ANGEL2: variants seen among roughly 807,000 people sequenced by gnomAD.
ANGEL2 encodes angel homolog 2, also known as RNA 2',3'-cyclic phosphatase ANGEL2.
A neutral mutation model predicts 66.0 loss-of-function variants in ANGEL2; 41 were observed. That is an observed-to-expected ratio of 0.62 (90% CI 0.48 to 0.81). ANGEL2 has a LOEUF of 0.81. ANGEL2 is among the 30% of genes least tolerant of loss of function. ANGEL2 has a pLI of 0.00. For synonymous variants in ANGEL2, 208 were observed against 226.5 expected (o/e 0.92, Z 0.73); for missense variants, 561 against 641.6 (o/e 0.87, Z 1.36).
At chr1:213,013,752 A>T (rs931648990) in intron 1 of ANGEL2, among the ~76,000 whole-genome samples, 1 of 152,238 alleles carries the variant, frequency 6.6e-6, no homozygotes, top group African/African-American at 2.4e-5. Context: ...TCAAGCACCT[A>T]CAAAACTCAA....
Position 212,993,307 on chromosome 1 carries a change from T to TA in ANGEL2, c.*1733dup, listed in dbSNP as rs888001900. The TA allele has an allele frequency of 3.0e-4, 45 of 152,180 alleles. No individual in the cohort carries two copies. The highest frequency in any genetic ancestry group is 1.2e-3 in the Admixed American group (18 of 15,282). 9.4% of individuals were successfully genotyped at this position (152,180 alleles called of 1,614,324 possible). A position where few individuals can be genotyped will look rare whatever the true frequency, so the allele number is the denominator to read the frequency against. On this transcript the variant is annotated 3_prime_UTR_variant, in exon 9 of 9. Coordinates refer to ENST00000366962, the MANE Select transcript of ANGEL2 (RefSeq NM_144567.5). ...CTGGGCGATAGCGTGAGACACCATC[T>TA]AAAAAATAAAAAAATAAAAACCCCC...
intron 2 of ANGEL2, chr1:213,011,562 A>G: frequency 1.3e-6 from 1 of 778,182 alleles, no homozygotes; most frequent in Non-Finnish European, 1.6e-6. Context: ...TAATTTTCTG[A>G]GTACCTACTA....
chr1:213,015,322 G>C (rs1039903569), intron 1 of ANGEL2: 17 of 1,339,926 alleles, frequency 1.3e-5, no homozygotes, highest in African/African-American at 3.0e-5. Context: ...TGGGTTGGGG[G>C]AAGCAGGCCA....
chr1:213,001,044 T>C (rs1309111086), intron 5 of ANGEL2, 132 bp from the exon 6 acceptor site: 1 of 782,144 alleles, frequency 1.3e-6, no homozygotes, highest in African/African-American at 1.8e-5. Context: ...TATTAAGTGA[T>C]TCTTTGGACT....
At position 213,008,366 on chromosome 1, in the gene ANGEL2, C is replaced by T; in HGVS notation, c.486G>A (p.Glu162=). The T allele has an allele frequency of 6.2e-7, 1 of 1,614,178 alleles. No individual in the cohort carries two copies. Among genetic ancestry groups the T allele is most frequent in the East Asian group, 2.2e-5 (1 of 44,862 alleles). ...KNVDPKCEDS[E]NKFDFSVMSY... is the part of the protein sequence containing the mutation. ...ACATCACTGAAAAGTCAAACTTGTT[C>T]TCACTGTCTTCACATTTGGGATCAA... The change falls in exon 3 of 9, where the codon GAG becomes GAA. Residue 162 remains glutamate, a synonymous_variant. Coordinates refer to ENST00000366962, the MANE Select transcript of ANGEL2 (RefSeq NM_144567.5).
At chr1:213,003,980 G>C (rs1432186883) in intron 5 of ANGEL2, among the ~76,000 whole-genome samples, 1 of 151,832 alleles carries the variant, frequency 6.6e-6, no homozygotes, top group Non-Finnish European at 1.5e-5. Flanking sequence ...TGAACCTGCA[G>C]GTCACCTAAG....
intron 4 of ANGEL2, among the ~76,000 whole-genome samples, chr1:213,006,038 A>G (rs1331963561): frequency 6.6e-6 from 1 of 152,114 alleles, no homozygotes; most frequent in Non-Finnish European, 1.5e-5. Context: ...TTACTTATTT[A>G]TTTGGTTAGC....
In ANGEL2 at chr1:212,993,700, A is replaced by G. The variant is rs1223619947; in HGVS notation, c.*1341T>C. 1 of 152,212 alleles carries G rather than the reference A, an allele frequency of 6.6e-6. No individual in the cohort carries two copies. Among genetic ancestry groups the G allele is most frequent in the African/African-American group, 2.4e-5 (1 of 41,450 alleles). 9.4% of individuals were successfully genotyped at this position (152,212 alleles called of 1,614,324 possible). On this transcript the variant is annotated 3_prime_UTR_variant, in exon 9 of 9. Transcript: ENST00000366962. ...AACCTGCTCATAACCACTTCATAGA[A>G]AGTGTCAGCACCATCTCATACTGGT...
In ANGEL2 at chr1:213,011,250, A is replaced by G. The variant is rs1234009870; in HGVS notation, c.385+1843T>C. On this transcript the variant is annotated intron_variant, in intron 2 of 8. Transcript: ENST00000366962. ...ACAAGGTGATCACAGCAGAGAAGAC[A>G]GATGAATCAAAGAAAGTAAGCAATA... 5 of 1,289,160 alleles carry G rather than the reference A, an allele frequency of 3.9e-6. No individual in the cohort carries two copies. In the South Asian group the frequency reaches 6.2e-5, roughly 16 times the overall value. The allele number at this position is 1,289,160 out of a possible 1,614,324, so 79.9% of individuals were successfully genotyped here. A position where few individuals can be genotyped will look rare whatever the true frequency, so the allele number is the denominator to read the frequency against.
At chr1:212,997,350 G>T (rs370279688) in intron 7 of ANGEL2, 32 bp from the exon 8 acceptor site, 1 of 1,565,486 alleles carries the variant, frequency 6.4e-7, no homozygotes, top group South Asian at 1.2e-5. Flanking sequence ...TTTAGAATCC[G>T]AGTTTTTGTA....
intron 2 of ANGEL2, chr1:213,011,326 C>T (rs2076503394): frequency 8.0e-7 from 1 of 1,253,676 alleles, no homozygotes; most frequent in Non-Finnish European, 1.0e-6. Flanking sequence ...AATTGTATCA[C>T]ACAAATCCTT....
intron 3 of ANGEL2, among the ~76,000 whole-genome samples, chr1:213,007,865 CT>C (rs34608529): frequency 0.27 from 37,300 of 137,866 alleles, 4,976 homozygotes; most frequent in Admixed American, 0.4. Flanking sequence ...TTCTTTCTTT[CT>C]TTTTTTTTTT....
chr1:213,007,413 A>C (rs531193523), intron 3 of ANGEL2, among the ~76,000 whole-genome samples: 11 of 152,290 alleles, frequency 7.2e-5, no homozygotes, highest in Non-Finnish European at 1.3e-4. Context: ...AATCACATGG[A>C]GCTCCCTTAG....
At chr1:213,007,012 T>G in intron 4 of ANGEL2, 117 bp downstream of exon 4, 224 of 917,180 alleles carry the variant, frequency 2.4e-4, no homozygotes, top group Middle Eastern at 3.3e-4. Context: ...GAGGATTACT[T>G]GAGCCCAGTA....
Position 212,994,376 on chromosome 1 carries a change from C to T in ANGEL2, c.*665G>A, listed in dbSNP as rs1190317631. 6.6e-6 allele frequency: 1 copy of T among 152,224 alleles called. No homozygotes were observed. Among genetic ancestry groups the T allele is most frequent in the Non-Finnish European group, 1.5e-5 (1 of 68,056 alleles). The allele number at this position is 152,224 out of a possible 1,614,324, so 9.4% of individuals were successfully genotyped here. The stretch of plus-strand genomic sequence containing the variant: ...TGCCTCTATTAAGCCCACCTCTTGT[C>T]TGTTCCAGGGTGAAAGAGTGAGCTT... On this transcript the variant is annotated 3_prime_UTR_variant, in exon 9 of 9. Coordinates refer to ENST00000366962, the MANE Select transcript of ANGEL2 (RefSeq NM_144567.5).
At chr1:213,001,598 G>A (rs2148146424) in intron 5 of ANGEL2, 1 of 152,270 alleles carries the variant, frequency 6.6e-6, no homozygotes, top group South Asian at 2.1e-4. Context: ...ATTTGCTGCA[G>A]CCATTGATGC....
intron 7 of ANGEL2, among the ~76,000 whole-genome samples, chr1:212,998,834 T>C (rs1000495272): frequency 6.6e-6 from 1 of 151,630 alleles, no homozygotes; most frequent in Admixed American, 6.6e-5. Context: ...CCTCTTTTTT[T>C]CTTTTAATTT....
chr1:213,015,383 G>A (rs1424701061), intron 1 of ANGEL2: 3 of 1,413,014 alleles, frequency 2.1e-6, no homozygotes, highest in South Asian at 3.1e-5. Flanking sequence ...TGAACTCCGC[G>A]CCAAGACCCC....
rs2075891488 is a variant in ANGEL2, at chr1:212,992,871, T to C, written c.*2170A>G. ...TTAACTAATGAATTTTCATTTTTCT[T>C]TCCCCAATATTAAAAAGGGATAATT... On this transcript the variant is annotated 3_prime_UTR_variant, in exon 9 of 9. Transcript: ENST00000366962. 1 of 152,248 alleles carries C rather than the reference T, an allele frequency of 6.6e-6. No homozygotes were observed. The highest frequency in any genetic ancestry group is 2.4e-5 in the African/African-American group (1 of 41,458). The allele number at this position is 152,248 out of a possible 1,614,324, so 9.4% of individuals were successfully genotyped here.
Sources: allele counts gnomAD v4.1 joint callset (sites outside exome capture counted in the v4.1 genomes callset), GRCh38; gene constraint gnomAD v4.1.1; transcripts MANE v1.5; gene names NCBI Gene and HGNC (gene_info 2026-07-23, HGNC 2026-07-21).